Variants in TPR observed in about 807,000 individuals in gnomAD.
TPR encodes the protein nucleoprotein TPR.
A neutral mutation model predicts 316.1 loss-of-function variants in TPR; 51 were observed. The ratio of observed to expected loss-of-function variants is 0.16; its 90% CI spans 0.13 to 0.20. The LOEUF (loss-of-function observed/expected upper bound fraction) is 0.20, where lower values mean the gene tolerates loss of function less well. TPR is among the 10% of genes least tolerant of loss of function. The pLI, the probability that TPR is intolerant of heterozygous loss-of-function variation, is 1.00. For missense variants in TPR, 2,272 were observed against 2,754.8 expected (o/e 0.82, Z 3.92); for synonymous variants, 981 against 914.7 (o/e 1.07, Z -1.31).
At chr1:186,350,006 C>T (rs1196586969) in intron 21 of TPR, among the ~76,000 whole-genome samples, 2 of 152,054 alleles carry the variant, frequency 1.3e-5, no homozygotes, top group Non-Finnish European at 2.9e-5. Context: ...TGATCAAATG[C>T]CAAGCTGAAC....
intron 17 of TPR, among the ~76,000 whole-genome samples, chr1:186,354,622 T>C (rs960324441): frequency 3.3e-5 from 5 of 152,170 alleles, no homozygotes; most frequent in African/African-American, 1.2e-4. Context: ...AAATAAATAT[T>C]GTCCTAACAA....
At chr1:186,336,281 T>C (rs1306535204) in intron 33 of TPR, among the ~76,000 whole-genome samples, 1 of 152,134 alleles carries the variant, frequency 6.6e-6, no homozygotes, top group African/African-American at 2.4e-5. Flanking sequence ...CAGCCAACAA[T>C]TGAGAAAAAT....
Position 186,359,919 on chromosome 1 carries a change from T to C in TPR, c.1269A>G (p.Leu423=). ...CTTCCACTTCTTTCACTATTTCATC[T>C]AGGTACTTATTAATTCTTTTGTTCT... ...KLENKRINKY[L]DEIVKEVEAK... The change falls in exon 12 of 51, where the codon CTA becomes CTG. Residue 423 remains leucine, a synonymous_variant. Transcript: ENST00000367478. 6.2e-7 allele frequency: 1 copy of C among 1,609,772 alleles called. No homozygotes were observed. Among genetic ancestry groups the C allele is most frequent in the Non-Finnish European group, 8.5e-7 (1 of 1,178,890 alleles).
intron 20 of TPR, 28 bp from the exon 21 acceptor site, chr1:186,350,416 T>C (rs1230518064): frequency 6.7e-7 from 1 of 1,489,918 alleles, no homozygotes; most frequent in Non-Finnish European, 9.0e-7. Context: ...CTTATAACAT[T>C]CTTTAGGTTC....
At position 186,334,465 on chromosome 1, in the gene TPR, A is replaced by C. The variant is rs1323342572; in HGVS notation, c.5042T>G (p.Val1681Gly). The change falls in exon 36 of 51, where the codon GTG (valine) becomes GGG (glycine). Residue 1681 changes from valine (V) to glycine (G), a missense_variant. By Grantham distance (109) the Val-to-Gly change is moderately radical (BLOSUM62 -3). Around this residue, in one of 10 missense-constraint regions of TPR, gnomAD observed 109 missense variants for 215.3 expected, o/e 0.51. Coordinates refer to ENST00000367478, the MANE Select transcript of TPR (RefSeq NM_003292.3). Reference sequence around the variant, plus strand: ...ATTTCCAGCCATAGCTGCAGCTGTCACTTTACTTGGAGTAGACACAACAGG... The same window carrying C: ...ATTTCCAGCCATAGCTGCAGCTGTCCCTTTACTTGGAGTAGACACAACAGG... ...PTPVVSTPSK[V>G]TAAAMAGNKS... 1.2e-6 allele frequency: 2 copies of C among 1,613,718 alleles called. No individual in the cohort carries two copies. The highest frequency in any genetic ancestry group is 1.7e-6 in the Non-Finnish European group (2 of 1,179,756).
chr1:186,320,083 C>T (rs1187767944), intron 46 of TPR, among the ~76,000 whole-genome samples: 1 of 151,990 alleles, frequency 6.6e-6, no homozygotes, highest in East Asian at 1.9e-4. Flanking sequence ...AGAAGAGATA[C>T]TAATGTAAAA....
At chr1:186,347,163 T>C in intron 22 of TPR, 129 bp downstream of exon 22, 1 of 968,852 alleles carries the variant, frequency 1.0e-6, no homozygotes, top group South Asian at 1.8e-5. Context: ...CTCAAGTACT[T>C]TCACAAGGTT....
intron 21 of TPR, 24 bp downstream of exon 21, chr1:186,350,199 T>A: frequency 6.3e-7 from 1 of 1,576,132 alleles, no homozygotes; most frequent in Non-Finnish European, 8.6e-7. Context: ...TTTACAATTA[T>A]ATTGGTCTAC....
chr1:186,336,954 A>G (rs1658356858), intron 32 of TPR, 59 bp downstream of exon 32: 5 of 1,601,318 alleles, frequency 3.1e-6, no homozygotes, highest in South Asian at 1.1e-5. Flanking sequence ...TAGTTAACAC[A>G]TATTTCTTTA....
In TPR at chr1:186,353,743, A is replaced by G; in HGVS notation, c.2279T>C (p.Ile760Thr). The change falls in exon 18 of 51, where the codon ATC becomes ACC. Residue 760 changes from isoleucine (I) to threonine (T), a missense_variant. Ile to Thr is a moderately conservative substitution (Grantham distance 89). Coordinates refer to ENST00000367478, the MANE Select transcript of TPR (RefSeq NM_003292.3). ...TATTQKQEQI[I>T]NTMTQDLRGA... ...TCTCAAATCTTGAGTCATCGTATTGATAATCTGTTCTTGCTTTTGAGTTGT... is the reference window on the plus strand; with the variant it reads ...TCTCAAATCTTGAGTCATCGTATTGGTAATCTGTTCTTGCTTTTGAGTTGT... 6.2e-7 allele frequency: 1 copy of G among 1,614,078 alleles called. No individual in the cohort carries two copies. Among genetic ancestry groups the G allele is most frequent in the Non-Finnish European group, 8.5e-7 (1 of 1,179,990 alleles).
At chr1:186,334,267 A>C in intron 36 of TPR, 58 bp downstream of exon 36, 1 of 1,466,828 alleles carries the variant, frequency 6.8e-7, no homozygotes, top group Non-Finnish European at 9.2e-7. Flanking sequence ...AATTACTGTC[A>C]TCTTCTCATA....
chr1:186,360,445 A>G (rs1290915338), intron 10 of TPR, 81 bp from the exon 11 acceptor site: 3 of 1,412,196 alleles, frequency 2.1e-6, no homozygotes, highest in Non-Finnish European at 3.0e-6. Context: ...GGTAAGTGAC[A>G]TGTACTGTAC....
chr1:186,366,773 AAAT>A (rs1659357995), intron 4 of TPR, among the ~76,000 whole-genome samples: 1 of 152,146 alleles, frequency 6.6e-6, no homozygotes, highest in African/African-American at 2.4e-5. Flanking sequence ...AAAATTTTAT[AAAT>A]AATCATTAAG....
chr1:186,314,024 C>T lies in TPR; in HGVS notation c.7039G>A (p.Val2347Met), dbSNP rs747561592. The change falls in exon 51 of 51, where the codon GTG becomes ATG. Residue 2347 changes from valine to methionine, a missense_variant and splice_region_variant. Coordinates refer to ENST00000367478, the MANE Select transcript of TPR (RefSeq NM_003292.3). Reference sequence around the variant, plus strand: ...CCTCTCCCTCCCATTGCATGGCTCACACCTGTAAAAGAAAAAAGAATCAAA... The same window carrying T: ...CCTCTCCCTCCCATTGCATGGCTCATACCTGTAAAAGAAAAAAGAATCAAA... ...RGRQFNRQRG[V>M]SHAMGGRGGI... 2 of 1,610,034 alleles carry T rather than the reference C, an allele frequency of 1.2e-6. No individual in the cohort carries two copies. Among genetic ancestry groups the T allele is most frequent in the Admixed American group, 1.7e-5 (1 of 59,860 alleles).
At position 186,323,441 on chromosome 1, in the gene TPR, T is replaced by C. The variant is rs537658661; in HGVS notation, c.6297+245A>G. Reference sequence around the variant, plus strand: ...TTTTCTCACTTGAGAAATAACAATTTTATTTGCTATGACTATAACCATTTC... The same window carrying C: ...TTTTCTCACTTGAGAAATAACAATTCTATTTGCTATGACTATAACCATTTC... On this transcript the variant is annotated intron_variant, in intron 43 of 50. Transcript: ENST00000367478. 1.2e-4 allele frequency among the ~76,000 whole-genome samples: 18 copies of C among 152,286 alleles called. 1 individual carries two copies. The South Asian group carries it at 3.7e-3, about 32-fold the overall frequency.
At chr1:186,320,013 A>T (rs192709856) in intron 46 of TPR, among the ~76,000 whole-genome samples, 33 of 152,304 alleles carry the variant, frequency 2.2e-4, no homozygotes, top group African/African-American at 7.7e-4. Flanking sequence ...ACCTATATTT[A>T]TTGGTTCAAC....
intron 30 of TPR, among the ~76,000 whole-genome samples, chr1:186,339,192 G>T (rs1212000274): frequency 1.3e-5 from 2 of 152,134 alleles, no homozygotes; most frequent in Non-Finnish European, 2.9e-5. Context: ...CACTTAGGGA[G>T]GCAGAAGTGG....
chr1:186,331,430 C>A, intron 39 of TPR, 68 bp downstream of exon 39: 1 of 1,068,928 alleles, frequency 9.4e-7, no homozygotes, highest in Non-Finnish European at 1.4e-6. Flanking sequence ...AATAATGTTT[C>A]AATTTGTCAA....
chr1:186,346,402 A>C, intron 22 of TPR, 115 bp from the exon 23 acceptor site: 1 of 1,100,904 alleles, frequency 9.1e-7, no homozygotes, highest in Non-Finnish European at 1.2e-6. Context: ...TTTGTTGTAT[A>C]TTAAAAAAAG....
Sources: gnomAD v4.1 joint callset for allele counts (sites outside exome capture counted in the v4.1 genomes callset) on GRCh38, gnomAD v4.1.1 for gene constraint, gnomAD v4.1.1 regional missense constraint, MANE v1.5 for transcripts, NCBI Gene and HGNC (gene_info 2026-07-23, HGNC 2026-07-21) for gene names.